The following PBRM1 variants were observed in gnomAD, a reference collection of about 807,000 sequenced individuals.
PBRM1 encodes the protein polybromo 1, also known as protein polybromo-1.
In PBRM1, 27 loss-of-function variants were observed where a neutral mutation model predicts 194.5. That is an observed-to-expected ratio of 0.14 (90% CI 0.10 to 0.19). The LOEUF is 0.19. Ranked by LOEUF, PBRM1 falls within the 10% of genes least tolerant of loss-of-function variation. The probability of loss-of-function intolerance (pLI) is 1.00; values close to 1 mark genes in which losing one functional copy is unlikely to be tolerated. For synonymous variants in PBRM1, 655 were observed against 693.2 expected, an observed-to-expected ratio of 0.94 and a Z score of 0.87; for missense variants, 1,466 against 2,077.2, an observed-to-expected ratio of 0.71 and a Z score of 5.72.
chr3:52,670,078 C>T (rs965236304), intron 2 of PBRM1, among the ~76,000 whole-genome samples: 3 of 152,196 alleles, frequency 2.0e-5, no homozygotes, highest in Non-Finnish European at 4.4e-5. Flanking sequence ...CAGTCCAGTG[C>T]TCCTTGCTGA....
At chr3:52,653,800 C>T (rs1577689165) in intron 5 of PBRM1, among the ~76,000 whole-genome samples, 2 of 151,884 alleles carry the variant, frequency 1.3e-5, no homozygotes, top group East Asian at 1.9e-4. Flanking sequence ...ATTCCAGCTA[C>T]TCAGGAGGCT....
At chr3:52,675,615 G>C (rs1260071694) in intron 2 of PBRM1, among the ~76,000 whole-genome samples, 1 of 152,144 alleles carries the variant, frequency 6.6e-6, no homozygotes, top group Non-Finnish European at 1.5e-5. Context: ...TAAGTATTTT[G>C]CCACTGAATA....
At chr3:52,638,014 A>G (rs1055455466) in intron 10 of PBRM1, among the ~76,000 whole-genome samples, 6 of 152,084 alleles carry the variant, frequency 3.9e-5, no homozygotes, top group Non-Finnish European at 8.8e-5. Flanking sequence ...CTAGTTAGCA[A>G]ATAATTTTTA....
intron 17 of PBRM1, among the ~76,000 whole-genome samples, chr3:52,593,169 TTTC>T (rs1237900579): frequency 6.6e-6 from 1 of 152,220 alleles, no homozygotes; most frequent in Non-Finnish European, 1.5e-5. Flanking sequence ...GCTCTGATTA[TTTC>T]TTTTTTTCTG....
intron 19 of PBRM1, 133 bp from the exon 22 acceptor site, chr3:52,586,821 G>A: frequency 1.5e-6 from 1 of 652,990 alleles, no homozygotes; most frequent in Non-Finnish European, 2.6e-6. Context: ...CTTTCTGGCA[G>A]TTAACAAAAA....
intron 17 of PBRM1, among the ~76,000 whole-genome samples, chr3:52,602,514 G>GA (rs1386820051): frequency 6.6e-6 from 1 of 152,210 alleles, no homozygotes; most frequent in African/African-American, 2.4e-5. Flanking sequence ...AGCTGGCTGG[G>GA]AATGTGTGGA....
chr3:52,660,467 T>C (rs563629759), intron 4 of PBRM1, among the ~76,000 whole-genome samples: 93 of 152,208 alleles, frequency 6.1e-4, no homozygotes, highest in African/African-American at 2.1e-3. Context: ...ATATATGAAC[T>C]ACATGTATAT....
At chr3:52,588,092 G>A (rs78013838) in intron 18 of PBRM1, among the ~76,000 whole-genome samples, 1,551 of 152,268 alleles carry the variant, frequency 0.01, 25 homozygotes, top group African/African-American at 0.036. Context: ...GAGGACAGGT[G>A]ATGAGACCTG....
chr3:52,604,958 A>AAAATAAATAAATAAAT (rs144080973), intron 16 of PBRM1, among the ~76,000 whole-genome samples: 32,189 of 145,380 alleles, frequency 0.22, 4,196 homozygotes, highest in Middle Eastern at 0.36. Context: ...ACTCTGTCCC[A>AAAATAAATAAATAAAT]AAATAAATAA....
intron 10 of PBRM1, among the ~76,000 whole-genome samples, chr3:52,641,464 GAA>G (rs560822967): frequency 0.043 from 4,543 of 104,672 alleles, 323 homozygotes; most frequent in African/African-American, 0.14. Context: ...AAAAAAAAAA[GAA>G]AAAAAAAAGA....
At chr3:52,646,854 A>G (rs771011034) in intron 7 of PBRM1, among the ~76,000 whole-genome samples, 2 of 152,210 alleles carry the variant, frequency 1.3e-5, no homozygotes, top group Non-Finnish European at 2.9e-5. Context: ...GGATTAGGGA[A>G]TGATTTATTT....
At chr3:52,584,450 C>CTTTTTGT (rs2092008339) in intron 20 of PBRM1, among the ~76,000 whole-genome samples, 1 of 60,750 alleles carries the variant, frequency 1.6e-5, no homozygotes, top group African/African-American at 7.7e-5. Flanking sequence ...AGTATTCTTG[C>CTTTTTGT]TTTTTTTTTT....
chr3:52,684,674 T>G (rs1168662649), upstream of PBRM1, among the ~76,000 whole-genome samples: 1 of 152,350 alleles, frequency 6.6e-6, no homozygotes, highest in Non-Finnish European at 1.5e-5. Flanking sequence ...ACATTCTTCC[T>G]CATGATGTTT....
At chr3:52,672,834 C>G (rs1174392059) in intron 2 of PBRM1, among the ~76,000 whole-genome samples, 1 of 151,586 alleles carries the variant, frequency 6.6e-6, no homozygotes, top group Non-Finnish European at 1.5e-5. Flanking sequence ...TATATTTTGA[C>G]AGCAAGAGAG....
At chr3:52,556,208 C>T (rs1401830998) in intron 26 of PBRM1, among the ~76,000 whole-genome samples, 1 of 152,154 alleles carries the variant, frequency 6.6e-6, no homozygotes, top group African/African-American at 2.4e-5. Context: ...ACTAAAAATT[C>T]TGAGGTCGAT....
chr3:52,576,849 TCCC>T, intron 21 of PBRM1, 151 bp from the exon 24 acceptor site: 1 of 499,642 alleles, frequency 2.0e-6, no homozygotes, highest in Non-Finnish European at 3.5e-6. Context: ...ATTAATTTTT[TCCC>T]CCATTAAACA....
intron 16 of PBRM1, among the ~76,000 whole-genome samples, chr3:52,608,021 C>T (rs888112375): frequency 6.6e-6 from 1 of 152,202 alleles, no homozygotes; most frequent in African/African-American, 2.4e-5. Context: ...ACCTATCATC[C>T]CATGCCTTTT....
chr3:52,561,928 C>A (rs1199584083), exon 25 of PBRM1: 9 of 1,613,988 alleles, frequency 5.6e-6, no homozygotes, highest in Admixed American at 3.3e-5. Flanking sequence ...CCGTTTGGAG[C>A]CTTCCTTCTT....
chr3:52,673,320 G>A (rs1285808285), intron 2 of PBRM1, among the ~76,000 whole-genome samples: 1 of 151,218 alleles, frequency 6.6e-6, no homozygotes, highest in Non-Finnish European at 1.5e-5. Context: ...CTGCCTATGT[G>A]AACCAGGTGT....
Sources: allele counts gnomAD v4.1 joint callset (sites outside exome capture counted in the v4.1 genomes callset), GRCh38; gene constraint gnomAD v4.1.1; transcripts MANE v1.5; gene names NCBI Gene and HGNC (gene_info 2026-07-23, HGNC 2026-07-21).